SGMS1: variants seen among roughly 807,000 people sequenced by gnomAD.
SGMS1 encodes phosphatidylcholine:ceramide cholinephosphotransferase 1.
A neutral mutation model predicts 46.2 loss-of-function variants in SGMS1; 13 were observed. That is an observed-to-expected ratio of 0.28 (90% CI 0.18 to 0.45). The LOEUF is 0.45. SGMS1 is among the 20% of genes least tolerant of loss of function. SGMS1 has a pLI of 1.00. For synonymous variants in SGMS1, 203 were observed against 187.8 expected (o/e 1.08, Z -0.66); for missense variants, 324 against 519.9 (o/e 0.62, Z 3.66).
intron 6 of SGMS1, among the ~76,000 whole-genome samples, chr10:50,353,823 T>A (rs1589401643): frequency 6.6e-6 from 1 of 151,962 alleles, no homozygotes; most frequent in East Asian, 1.9e-4. Flanking sequence ...AAATCATGAG[T>A]GAACTCCCAT....
chr10:50,571,273 CTA>C (rs1838334345), intron 2 of SGMS1, among the ~76,000 whole-genome samples: 1 of 152,210 alleles, frequency 6.6e-6, no homozygotes, highest in South Asian at 2.1e-4. Context: ...GGCTACTTTG[CTA>C]TTGCCCAGGC....
At chr10:50,393,141 C>T (rs1047719142) in intron 6 of SGMS1, among the ~76,000 whole-genome samples, 4 of 152,138 alleles carry the variant, frequency 2.6e-5, no homozygotes, top group African/African-American at 7.2e-5. Context: ...CATACACCAA[C>T]ATTTACTGGG....
chr10:50,318,407 C>T (rs1421032210), intron 8 of SGMS1, among the ~76,000 whole-genome samples: 1 of 152,132 alleles, frequency 6.6e-6, no homozygotes, highest in Non-Finnish European at 1.5e-5. Flanking sequence ...CAAAGCAAGA[C>T]AATGTTTATA....
intron 3 of SGMS1, among the ~76,000 whole-genome samples, chr10:50,511,857 C>T (rs927787800): frequency 6.6e-6 from 1 of 152,114 alleles, no homozygotes; most frequent in African/African-American, 2.4e-5. Flanking sequence ...CCCTTCTAAC[C>T]TGTACATAAT....
chr10:50,351,032 AG>A (rs767148570), intron 6 of SGMS1, among the ~76,000 whole-genome samples: 1 of 152,140 alleles, frequency 6.6e-6, no homozygotes, highest in Non-Finnish European at 1.5e-5. Context: ...ATCAGCCGGG[AG>A]GGAGGCTGTA....
At chr10:50,584,621 C>T (rs565255231) in intron 2 of SGMS1, among the ~76,000 whole-genome samples, 54 of 152,016 alleles carry the variant, frequency 3.6e-4, no homozygotes, top group African/African-American at 1.3e-3. Flanking sequence ...GTTCACATTC[C>T]TTCCCTGTGG....
chr10:50,349,550 G>GT (rs1847970370), intron 6 of SGMS1, among the ~76,000 whole-genome samples: 1 of 57,364 alleles, frequency 1.7e-5, no homozygotes, highest in African/African-American at 1.2e-4. Context: ...GCTTGGCTGT[G>GT]TCCCACCCAA....
At chr10:50,566,880 CA>C (rs1202093484) in intron 2 of SGMS1, among the ~76,000 whole-genome samples, 1 of 152,180 alleles carries the variant, frequency 6.6e-6, no homozygotes, top group African/African-American at 2.4e-5. Context: ...AATCCTAACA[CA>C]ACGAAAATGC....
chr10:50,401,040 C>G (rs1003944817), intron 6 of SGMS1, among the ~76,000 whole-genome samples: 1 of 152,172 alleles, frequency 6.6e-6, no homozygotes, highest in Admixed American at 6.5e-5. Flanking sequence ...AGTAATTGAC[C>G]TCAATGGGAC....
At chr10:50,403,174 C>T (rs980667611) in intron 6 of SGMS1, among the ~76,000 whole-genome samples, 2 of 152,178 alleles carry the variant, frequency 1.3e-5, no homozygotes, top group African/African-American at 4.8e-5. Context: ...AATAACACTA[C>T]TCACAAAAGA....
intron 3 of SGMS1, among the ~76,000 whole-genome samples, chr10:50,492,708 T>C (rs11005920): frequency 0.03 from 4,628 of 152,294 alleles, 109 homozygotes; most frequent in African/African-American, 0.064. Flanking sequence ...AGAATCAATA[T>C]TGTTATAATG....
chr10:50,453,998 G>A (rs1837156043), intron 5 of SGMS1, among the ~76,000 whole-genome samples: 1 of 112,694 alleles, frequency 8.9e-6, no homozygotes, highest in Non-Finnish European at 1.7e-5. Flanking sequence ...CAGCCAGAAA[G>A]AAAGAAGAGA....
At chr10:50,345,324 C>T (rs1347923442) in intron 6 of SGMS1, among the ~76,000 whole-genome samples, 1 of 152,072 alleles carries the variant, frequency 6.6e-6, no homozygotes, top group Non-Finnish European at 1.5e-5. Context: ...TCTGATCCAA[C>T]TCCTTCATTT....
chr10:50,555,430 T>G (rs368084055), intron 2 of SGMS1, among the ~76,000 whole-genome samples: 59 of 152,312 alleles, frequency 3.9e-4, no homozygotes, highest in African/African-American at 1.3e-3. Flanking sequence ...AGGACCTGGC[T>G]CACAAATAAG....
chr10:50,353,922 T>C (rs371250791), intron 6 of SGMS1, among the ~76,000 whole-genome samples: 1 of 151,938 alleles, frequency 6.6e-6, no homozygotes, highest in Non-Finnish European at 1.5e-5. Context: ...ACAAAACCAC[T>C]GCTCAATGAA....
chr10:50,441,724 A>T (rs1849549113), intron 5 of SGMS1, among the ~76,000 whole-genome samples: 1 of 152,258 alleles, frequency 6.6e-6, no homozygotes. Flanking sequence ...AAACGCACAC[A>T]GATAACCTTT....
chr10:50,501,916 T>C (rs571633072), intron 3 of SGMS1, among the ~76,000 whole-genome samples: 1 of 152,346 alleles, frequency 6.6e-6, no homozygotes, highest in African/African-American at 2.4e-5. Flanking sequence ...TCAGCCAAAC[T>C]GCACATCTTG....
intron 1 of SGMS1, 145 bp downstream of exon 1, chr10:50,623,562 G>T (rs950356424): frequency 6.1e-6 from 6 of 983,784 alleles, no homozygotes; most frequent in Non-Finnish European, 7.2e-6. Context: ...GTACGCGCGC[G>T]GCACCGCGCG....
At chr10:50,470,867 G>T (rs1245062131) in intron 3 of SGMS1, among the ~76,000 whole-genome samples, 1 of 152,068 alleles carries the variant, frequency 6.6e-6, no homozygotes, top group Non-Finnish European at 1.5e-5. Context: ...TTCCAAACTG[G>T]CCTCTCAAAC....
Sources: allele counts gnomAD v4.1 joint callset (sites outside exome capture counted in the v4.1 genomes callset), GRCh38; gene constraint gnomAD v4.1.1; transcripts MANE v1.5; gene names NCBI Gene and HGNC (gene_info 2026-07-23, HGNC 2026-07-21).